The following FGD5 variants were observed in gnomAD, a reference collection of about 807,000 sequenced individuals.
The protein encoded by FGD5 is FYVE, RhoGEF and PH domain containing 5.
Under a neutral mutation model 133.4 loss-of-function variants are expected in FGD5, and 28 were observed. The ratio of observed to expected loss-of-function variants is 0.21; its 90% CI spans 0.16 to 0.29. FGD5 has a LOEUF of 0.29. Ranked by LOEUF, FGD5 falls within the 10% of genes least tolerant of loss-of-function variation. The probability of loss-of-function intolerance (pLI) is 1.00; values close to 1 mark genes in which losing one functional copy is unlikely to be tolerated. For missense variants in FGD5, 1,858 were observed against 1,895.2 expected, an observed-to-expected ratio of 0.98 and a Z score of 0.36; for synonymous variants, 810 against 776.5, an observed-to-expected ratio of 1.04 and a Z score of -0.72.
chr3:14,923,870 G>A lies in FGD5; in HGVS notation c.3938-138G>A, dbSNP rs2038735230. The A allele has an allele frequency of 3.7e-6, 4 of 1,074,328 alleles. No homozygotes were observed. The Admixed American group carries it at 6.7e-5, about 18-fold the overall frequency. 66.5% of individuals were successfully genotyped at this position (1,074,328 alleles called of 1,614,324 possible). A position where few individuals can be genotyped will look rare whatever the true frequency, so the allele number is the denominator to read the frequency against. On this transcript the variant is annotated intron_variant, in intron 16 of 19. Coordinates refer to ENST00000285046, the MANE Select transcript of FGD5 (RefSeq NM_152536.4). The stretch of plus-strand genomic sequence containing the variant: ...GTCTGTTCCTGCAGGAGGGAGGGAG[G>A]AAGAGTGCTTGACTTTCAGGTCCCA...
In FGD5 at chr3:14,918,840, GC is replaced by G; in HGVS notation, c.3569+8del. On this transcript the variant is annotated splice_region_variant and intron_variant, in intron 13 of 19. Coordinates refer to ENST00000285046, the MANE Select transcript of FGD5 (RefSeq NM_152536.4). ...GCCTGATGCTGTCTGCGAGGTACGG[GC>G]AGGTGGAGGGAGGATGGCGCACAAG... 1.2e-6 allele frequency: 2 copies of G among 1,613,886 alleles called. No individual in the cohort carries two copies. The highest frequency in any genetic ancestry group is 1.7e-6 in the Non-Finnish European group (2 of 1,179,884).
chr3:14,897,745 T>A, intron 5 of FGD5, 76 bp downstream of exon 5: 1 of 1,489,290 alleles, frequency 6.7e-7, no homozygotes, highest in Non-Finnish European at 9.0e-7. Context: ...CACCACCATA[T>A]GAAATAGTAT....
chr3:14,851,717 T>TC (rs548404378), intron 1 of FGD5, among the ~76,000 whole-genome samples: 4 of 151,730 alleles, frequency 2.6e-5, no homozygotes, highest in Non-Finnish European at 5.9e-5. Flanking sequence ...AAGTTTAAAT[T>TC]CCCCCCCACC....
chr3:14,907,846 G>A (rs2038369385), intron 10 of FGD5, 135 bp downstream of exon 10: 1 of 844,114 alleles, frequency 1.2e-6, no homozygotes, highest in South Asian at 1.8e-5. Flanking sequence ...CAGGCGGGTG[G>A]GCGTGGGCTC....
chr3:14,914,844 C>T (rs916281613), intron 11 of FGD5, among the ~76,000 whole-genome samples: 3 of 152,112 alleles, frequency 2.0e-5, no homozygotes, highest in Non-Finnish European at 2.9e-5. Flanking sequence ...TGGGAGTGCA[C>T]GTTAGGACTG....
intron 2 of FGD5, among the ~76,000 whole-genome samples, chr3:14,871,432 G>A (rs1385158993): frequency 6.6e-6 from 1 of 152,252 alleles, no homozygotes; most frequent in Non-Finnish European, 1.5e-5. Flanking sequence ...GTTTGGCTCT[G>A]TGTAACTTAC....
rs369709099 is a variant in FGD5, at chr3:14,897,631, A to C, written c.2871A>C (p.Gln957His). 2 of 1,607,072 alleles carry C rather than the reference A, an allele frequency of 1.2e-6. No homozygotes were observed. Among genetic ancestry groups the C allele is most frequent in the Admixed American group, 1.7e-5 (1 of 59,154 alleles). ...TCCCAGCCATCCACGACCTTCATCAAGGCATCCTGGAGGAGCTGGAGGAAA... is the reference window on the plus strand; with the variant it reads ...TCCCAGCCATCCACGACCTTCATCACGGCATCCTGGAGGAGCTGGAGGAAA... ...SELPAIHDLH[Q>H]GILEELEERL... Residue 957 changes from glutamine (Q) to histidine (H), a missense_variant, in exon 5 of 20, where the codon CAA (glutamine) becomes CAC (histidine). By Grantham distance (24) the Gln-to-His change is conservative. Coordinates refer to ENST00000285046, the MANE Select transcript of FGD5 (RefSeq NM_152536.4).
At chr3:14,824,263 G>C (rs574748555) in intron 1 of FGD5, among the ~76,000 whole-genome samples, 1 of 152,334 alleles carries the variant, frequency 6.6e-6, no homozygotes, top group East Asian at 1.9e-4. Context: ...GGTTTGAGAC[G>C]CATATCGCCA....
Position 14,932,579 on chromosome 3 carries a change from C to A in FGD5, c.4200C>A (p.Asp1400Glu). 1.2e-6 allele frequency: 2 copies of A among 1,612,088 alleles called. No homozygotes were observed. Among genetic ancestry groups the A allele is most frequent in the Non-Finnish European group, 1.7e-6 (2 of 1,179,228 alleles). ...ATTTTTCCTTCTGTCCTCTGCAGGA[C>A]AAAGTGGCCTTGGAGAGTATGCCTC... Reference protein sequence around the residue: ...KVLYTYMASEDKVALESMPLL... With the variant: ...KVLYTYMASEEKVALESMPLL... Residue 1400 changes from aspartate to glutamate, a missense_variant and splice_region_variant, in exon 19 of 20, where the codon GAC (aspartate) becomes GAA (glutamate). Asp to Glu is a conservative substitution (Grantham distance 45, BLOSUM62 2). Transcript: ENST00000285046.
chr3:14,925,708 G>A (rs2038789648), intron 17 of FGD5, among the ~76,000 whole-genome samples: 1 of 152,200 alleles, frequency 6.6e-6, no homozygotes, highest in Non-Finnish European at 1.5e-5. Context: ...TAAATGTGAG[G>A]AAGAGATAAG....
chr3:14,932,844 C>T (rs567151249), intron 19 of FGD5, 113 bp downstream of exon 19: 3 of 1,271,072 alleles, frequency 2.4e-6, no homozygotes, highest in African/African-American at 3.0e-5. Flanking sequence ...CATTAGGTCC[C>T]TTTGGGCCAT....
At position 14,922,903 on chromosome 3, in the gene FGD5, G is replaced by C; in HGVS notation, c.3808-143G>C. 8.5e-7 allele frequency: 1 copy of C among 1,177,614 alleles called. No individual in the cohort carries two copies. Among genetic ancestry groups the C allele is most frequent in the Non-Finnish European group, 1.2e-6 (1 of 829,450 alleles). The allele number at this position is 1,177,614 out of a possible 1,614,324, so 72.9% of individuals were successfully genotyped here. On this transcript the variant is annotated intron_variant, in intron 15 of 19. Transcript: ENST00000285046. The surrounding 1 kb of genome is among the most constrained non-coding windows in gnomAD (Gnocchi z 4.1). ...AGATGAAGCCTTGCCGGAAAAGTAGGGGACACGCACAGCTCCATGATCAGA... is the reference window on the plus strand; with the variant it reads ...AGATGAAGCCTTGCCGGAAAAGTAGCGGACACGCACAGCTCCATGATCAGA...
intron 19 of FGD5, 135 bp from the exon 20 acceptor site, chr3:14,932,996 G>A: frequency 8.7e-7 from 1 of 1,144,812 alleles, no homozygotes; most frequent in Non-Finnish European, 1.3e-6. Flanking sequence ...ACATGTTTGA[G>A]AAACAAATAC....
intron 5 of FGD5, 29 bp downstream of exon 5, chr3:14,897,698 A>G (rs970859598): frequency 5.7e-6 from 9 of 1,566,574 alleles, no homozygotes; most frequent in Non-Finnish European, 5.2e-6. Flanking sequence ...CCCGGGTTCC[A>G]CTTTTGTTGC....
upstream of FGD5, among the ~76,000 whole-genome samples, chr3:14,815,262 A>G (rs940403697): frequency 7.2e-5 from 11 of 152,100 alleles, no homozygotes; most frequent in African/African-American, 2.7e-4. Context: ...CTTGGATGCC[A>G]AGTGAGTCCT....
intron 11 of FGD5, among the ~76,000 whole-genome samples, chr3:14,915,000 TG>T (rs2038524326): frequency 6.6e-6 from 1 of 152,230 alleles, no homozygotes; most frequent in Admixed American, 6.5e-5. Context: ...CACCGATTTT[TG>T]TTGATAAAGT....
At chr3:14,850,562 G>A (rs2037140719) in intron 1 of FGD5, among the ~76,000 whole-genome samples, 1 of 152,236 alleles carries the variant, frequency 6.6e-6, no homozygotes, top group African/African-American at 2.4e-5. Flanking sequence ...GCTGGGATGA[G>A]ATGGGGAAAC....
chr3:14,864,595 C>T (rs796964412), intron 2 of FGD5, among the ~76,000 whole-genome samples: 37 of 152,298 alleles, frequency 2.4e-4, no homozygotes, highest in African/African-American at 8.9e-4. Context: ...ACACCCTGGG[C>T]CTCAGTTTCC....
rs746202082 is a variant in FGD5, at chr3:14,933,172, T to C, written c.*5T>C. 2 of 1,613,320 alleles carry C rather than the reference T, an allele frequency of 1.2e-6. No individual in the cohort carries two copies. The highest frequency in any genetic ancestry group is 2.2e-5 in the East Asian group (1 of 44,894). ...GAAGATGCGAGTGTGTTATAGCAGT[T>C]ATCAAGCATGTGGACTTGTAACAAA... On this transcript the variant is annotated 3_prime_UTR_variant, in exon 20 of 20. Coordinates refer to ENST00000285046, the MANE Select transcript of FGD5 (RefSeq NM_152536.4).
Sources: gnomAD v4.1 joint callset for allele counts (sites outside exome capture counted in the v4.1 genomes callset) on GRCh38, gnomAD v4.1.1 for gene constraint, Gnocchi (gnomAD v3.1) non-coding constraint, MANE v1.5 for transcripts, NCBI Gene and HGNC (gene_info 2026-07-23, HGNC 2026-07-21) for gene names.